Variants in GCDH observed in about 807,000 individuals in gnomAD.
The protein encoded by GCDH is glutaryl-CoA dehydrogenase.
In GCDH, 31 loss-of-function variants were observed where a neutral mutation model predicts 52.8. The ratio of observed to expected loss-of-function variants is 0.59; its 90% CI spans 0.44 to 0.79. The LOEUF (loss-of-function observed/expected upper bound fraction) is 0.79, where lower values mean the gene tolerates loss of function less well. Ranked by LOEUF, GCDH falls within the 30% of genes least tolerant of loss-of-function variation. GCDH has a pLI of 0.00. For missense variants in GCDH, 509 were observed against 595.0 expected (o/e 0.86, Z 1.50); for synonymous variants, 242 against 250.0 (o/e 0.97, Z 0.30).
intron 6 of GCDH, chr19:12,894,455 T>G (rs1411564648): frequency 5.4e-6 from 4 of 740,702 alleles, no homozygotes; most frequent in Non-Finnish European, 1.0e-5. Flanking sequence ...AATCTGAGTG[T>G]TCTCAACTTG....
intron 6 of GCDH, chr19:12,894,510 A>C (rs1970630101): frequency 1.4e-6 from 1 of 699,694 alleles, no homozygotes; most frequent in East Asian, 2.6e-5. Flanking sequence ...GGACTGACTG[A>C]GACTATGATG....
chr19:12,897,331 A>C lies in GCDH; in HGVS notation c.985A>C (p.Asn329His). ...GCAGTTTGGTGTCCCACTGGCCAGG[A>C]ACCAGCTGATTCAGAAGAAGCTGGC... is the stretch of plus-strand genomic sequence containing the variant. ...RMQFGVPLAR[N>H]QLIQKKLADM... Residue 329 changes from asparagine to histidine, a missense_variant, in exon 10 of 12, where the codon AAC becomes CAC. Transcript: ENST00000222214. 6.2e-7 allele frequency: 1 copy of C among 1,613,836 alleles called. No individual in the cohort carries two copies. Among genetic ancestry groups the C allele is most frequent in the Admixed American group, 1.7e-5 (1 of 60,016 alleles).
intron 6 of GCDH, among the ~76,000 whole-genome samples, chr19:12,895,064 T>A (rs528787098): frequency 6.6e-6 from 1 of 152,146 alleles, no homozygotes; most frequent in South Asian, 2.1e-4. Context: ...ATCTGTTCCC[T>A]CTCCCAGCAC....
chr19:12,899,007 A>C, intron 11 of GCDH: 1 of 369,524 alleles, frequency 2.7e-6, no homozygotes, highest in Non-Finnish European at 5.1e-6. Flanking sequence ...TCCCGAGGGT[A>C]AGAAAGGGCT....
intron 6 of GCDH, chr19:12,894,660 T>G: frequency 1.3e-6 from 1 of 789,378 alleles, no homozygotes; most frequent in South Asian, 1.8e-5. Flanking sequence ...GCACCCAAGA[T>G]TCAGCGCCTT....
At chr19:12,891,668 C>T (rs757492521) in intron 3 of GCDH, 146 bp downstream of exon 3, 4 of 1,604,884 alleles carry the variant, frequency 2.5e-6, no homozygotes, top group Non-Finnish European at 3.4e-6. Context: ...GCAGTGAGTG[C>T]GCTGTGCCTG....
intron 6 of GCDH, chr19:12,894,278 T>C: frequency 3.4e-6 from 3 of 891,988 alleles, no homozygotes; most frequent in South Asian, 1.3e-5. Flanking sequence ...AAGGGTTACG[T>C]GGTCGGAATC....
At chr19:12,893,998 C>T (rs534368766) in intron 6 of GCDH, 28 of 581,494 alleles carry the variant, frequency 4.8e-5, no homozygotes, top group Middle Eastern at 8.1e-4. Context: ...CCCAAGAGTT[C>T]GAAACCAGCC....
In GCDH at chr19:12,896,998, A is replaced by G; in HGVS notation, c.941A>G (p.Gln314Arg). 2 of 1,612,214 alleles carry G rather than the reference A, an allele frequency of 1.2e-6. No individual in the cohort carries two copies. Among genetic ancestry groups the G allele is most frequent in the South Asian group, 1.1e-5 (1 of 91,066 alleles). Residue 314 changes from glutamine (Q) to arginine (R), a missense_variant, in exon 9 of 12, where the codon CAG becomes CGG. Physicochemically the swap from Gln to Arg is conservative, Grantham distance 43 (BLOSUM62 1). Coordinates refer to ENST00000222214, the MANE Select transcript of GCDH (RefSeq NM_000159.4). This position sits in a 1 kb window ranked among gnomAD's most constrained non-coding sequence, Gnocchi z 5.5. Reference protein sequence around the residue: ...ASEFCLHTARQYALDRMQFGV... With the variant: ...ASEFCLHTARRYALDRMQFGV... The stretch of plus-strand genomic sequence containing the variant: ...GAGTTCTGCTTGCACACAGCCCGGC[A>G]GTACGCCCTCGACAGGTGTGTGAGG...
chr19:12,894,956 C>CT (rs965674844), intron 6 of GCDH: 20 of 342,732 alleles, frequency 5.8e-5, no homozygotes, highest in Non-Finnish European at 1.1e-4. Context: ...GACCAGGCCT[C>CT]TGCTGACCTT....
chr19:12,898,085 C>T (rs996367683), intron 11 of GCDH: 20 of 569,900 alleles, frequency 3.5e-5, no homozygotes, highest in East Asian at 6.1e-5. Flanking sequence ...TCAGGCCTTG[C>T]GAGGGGCTCC....
chr19:12,899,772 T>A lies in GCDH; in HGVS notation c.*231T>A. On this transcript the variant is annotated 3_prime_UTR_variant, in exon 12 of 12. Transcript: ENST00000222214. ...GTCTCAATCCACTTTTAACCATGGA[T>A]GAGAGCAGACTCCATTTACCCTGAA... 1 of 1,606,824 alleles carries A rather than the reference T, an allele frequency of 6.2e-7. No individual in the cohort carries two copies. Among genetic ancestry groups the A allele is most frequent in the Non-Finnish European group, 8.5e-7 (1 of 1,174,330 alleles).
intron 5 of GCDH, 24 bp downstream of exon 5, chr19:12,892,202 C>T: frequency 1.3e-6 from 2 of 1,581,664 alleles, no homozygotes; most frequent in Non-Finnish European, 1.7e-6. Context: ...TCTCTCCACA[C>T]ACTGCAGAAC....
rs997919923 is a variant in GCDH, at chr19:12,891,378, C to T, written c.74C>T (p.Ser25Leu). 21 of 1,613,862 alleles carry T rather than the reference C, an allele frequency of 1.3e-5. No homozygotes were observed. The highest frequency in any genetic ancestry group is 1.8e-5 in the Non-Finnish European group (21 of 1,179,998). Residue 25 changes from serine to leucine, a missense_variant, in exon 2 of 12, where the codon TCG becomes TTG. Physicochemically the swap from Ser to Leu is moderately radical, Grantham distance 145. Transcript: ENST00000222214. ...PGLHVLRTWV[S>L]SAAQTEKGGR... The stretch of plus-strand genomic sequence containing the variant: ...CTGCACGTCCTTCGCACGTGGGTCT[C>T]GTCGGCGGCGCAGACCGGTCAGTGT...
chr19:12,897,554 G>C, intron 10 of GCDH, 126 bp downstream of exon 10: 1 of 1,437,376 alleles, frequency 7.0e-7, no homozygotes, highest in Non-Finnish European at 9.8e-7. Flanking sequence ...TGTCCCTCTT[G>C]TCCTTGATGG....
At chr19:12,895,623 CT>C (rs1483077498) in intron 6 of GCDH, among the ~76,000 whole-genome samples, 2 of 150,610 alleles carry the variant, frequency 1.3e-5, no homozygotes, top group Non-Finnish European at 3.0e-5. Context: ...GATTTTTTTT[CT>C]TTTTTGAGAT....
At chr19:12,893,891 A>C in intron 6 of GCDH, 1 of 608,116 alleles carries the variant, frequency 1.6e-6, no homozygotes, top group South Asian at 1.9e-5. Context: ...AGTCCAGCCC[A>C]AAGTTTAAAG....
Position 12,896,919 on chromosome 19 carries a change from G to A in GCDH, c.862G>A (p.Gly288Ser), listed in dbSNP as rs774157793. ...PGASSLGGPF[G>S]CLNNARYGIA... ...CATCTCAACCCTACAGGGTCCCTTCGGCTGCCTGAACAACGCCCGGTACGG... is the reference window on the plus strand; with the variant it reads ...CATCTCAACCCTACAGGGTCCCTTCAGCTGCCTGAACAACGCCCGGTACGG... The change falls in exon 9 of 12, where the codon GGC (glycine) becomes AGC (serine). Residue 288 changes from glycine to serine, a missense_variant. Transcript: ENST00000222214. This position sits in a 1 kb window ranked among gnomAD's most constrained non-coding sequence, Gnocchi z 5.5. 2.0e-5 allele frequency: 32 copies of A among 1,612,900 alleles called. No homozygotes were observed. Among genetic ancestry groups the A allele is most frequent in the East Asian group, 4.5e-5 (2 of 44,888 alleles).
intron 9 of GCDH, 37 bp downstream of exon 9, chr19:12,897,050 G>T: frequency 6.6e-7 from 1 of 1,525,376 alleles, no homozygotes. Flanking sequence ...CTGGGGGTGT[G>T]GGGCAGCTTG....
Sources: gnomAD v4.1 joint callset for allele counts (sites outside exome capture counted in the v4.1 genomes callset) on GRCh38, gnomAD v4.1.1 for gene constraint, Gnocchi (gnomAD v3.1) non-coding constraint, MANE v1.5 for transcripts, NCBI Gene and HGNC (gene_info 2026-07-23, HGNC 2026-07-21) for gene names.